Variants in AIG1 observed in about 807,000 individuals in gnomAD.
AIG1 encodes androgen induced 1, also known as androgen-induced gene 1 protein.
In AIG1, 23 loss-of-function variants were observed where a neutral mutation model predicts 31.4. The observed-to-expected ratio is 0.73, with a 90% CI of 0.53 to 1.04. The LOEUF (loss-of-function observed/expected upper bound fraction) is 1.04. AIG1 is among the 50% of genes least tolerant of loss of function. AIG1 has a pLI of 0.00. For missense variants in AIG1, 274 were observed against 295.0 expected, an observed-to-expected ratio of 0.93 and a Z score of 0.52; for synonymous variants, 100 against 110.5, an observed-to-expected ratio of 0.90 and a Z score of 0.60.
intron 2 of AIG1, among the ~76,000 whole-genome samples, chr6:143,146,381 C>T: frequency 6.6e-6 from 1 of 152,084 alleles, no homozygotes; most frequent in East Asian, 1.9e-4. Context: ...CTTATATATG[C>T]CCTTGTTTTG....
At chr6:143,342,382 T>G (rs1001816746), downstream of AIG1, 9 of 688,684 alleles carry the variant, frequency 1.3e-5, no homozygotes, top group Non-Finnish European at 2.4e-5. Context: ...TTTAACTTCT[T>G]TATTCAGAAA....
intron 4 of AIG1, among the ~76,000 whole-genome samples, chr6:143,321,725 T>A (rs547794546): frequency 6.6e-6 from 1 of 152,296 alleles, no homozygotes; most frequent in African/African-American, 2.4e-5. Flanking sequence ...TTTCTGCTTT[T>A]TTAATATAAA....
At chr6:143,273,494 T>G (rs1796687400) in intron 3 of AIG1, among the ~76,000 whole-genome samples, 1 of 152,194 alleles carries the variant, frequency 6.6e-6, no homozygotes, top group African/African-American at 2.4e-5. Context: ...CCCATTGCTC[T>G]CTCTTCTTGC....
intron 3 of AIG1, among the ~76,000 whole-genome samples, chr6:143,212,918 C>G: frequency 6.6e-6 from 1 of 152,130 alleles, no homozygotes; most frequent in South Asian, 2.1e-4. Flanking sequence ...TAAACCAAGG[C>G]AGAGTTAATC....
At chr6:143,260,692 G>A (rs73594165) in intron 3 of AIG1, among the ~76,000 whole-genome samples, 7,902 of 152,182 alleles carry the variant, frequency 0.052, 517 homozygotes, top group African/African-American at 0.15. Context: ...ACACCATTAG[G>A]TATTTATTCC....
chr6:143,090,844 T>G (rs1177537116), intron 1 of AIG1, among the ~76,000 whole-genome samples: 1 of 152,192 alleles, frequency 6.6e-6, no homozygotes, highest in Non-Finnish European at 1.5e-5. Context: ...CTGTGAAGTT[T>G]GCTGCATTGA....
chr6:143,118,256 C>T (rs565948689), intron 1 of AIG1, among the ~76,000 whole-genome samples: 4 of 152,100 alleles, frequency 2.6e-5, no homozygotes, highest in Admixed American at 1.3e-4. Context: ...GTCAGGAGAT[C>T]GAGAGCATCC....
intron 1 of AIG1, among the ~76,000 whole-genome samples, chr6:143,131,865 G>A (rs1486528155): frequency 6.6e-6 from 1 of 152,152 alleles, no homozygotes; most frequent in Non-Finnish European, 1.5e-5. Flanking sequence ...TGGTGTTTTA[G>A]CTGCTAAGTT....
intron 4 of AIG1, among the ~76,000 whole-genome samples, chr6:143,314,726 A>T (rs1330723870): frequency 6.6e-6 from 1 of 152,160 alleles, no homozygotes; most frequent in Non-Finnish European, 1.5e-5. Flanking sequence ...TTAAGATACC[A>T]GTTCTTCTCC....
downstream of AIG1, chr6:143,343,356 C>G (rs1439318685): frequency 3.4e-5 from 20 of 583,696 alleles, no homozygotes; most frequent in Non-Finnish European, 6.1e-5. Context: ...GACTAATGCC[C>G]CCCCAAACAA....
chr6:143,266,627 A>G (rs944293626), intron 3 of AIG1, among the ~76,000 whole-genome samples: 1 of 152,056 alleles, frequency 6.6e-6, no homozygotes, highest in Non-Finnish European at 1.5e-5. Flanking sequence ...TTTGTCAATT[A>G]TACCCCAGTA....
intron 2 of AIG1, among the ~76,000 whole-genome samples, chr6:143,155,228 T>A (rs1785625776): frequency 6.6e-6 from 1 of 152,164 alleles, no homozygotes; most frequent in East Asian, 1.9e-4. Context: ...TCTGCCCTTA[T>A]GGAGTTTACA....
At chr6:143,149,996 C>A (rs1028890469) in intron 2 of AIG1, among the ~76,000 whole-genome samples, 3 of 152,092 alleles carry the variant, frequency 2.0e-5, no homozygotes, top group African/African-American at 2.4e-5. Flanking sequence ...AGAAGTGATC[C>A]AATGCATTCC....
intron 3 of AIG1, among the ~76,000 whole-genome samples, chr6:143,247,027 T>A (rs1794665172): frequency 6.6e-6 from 1 of 152,176 alleles, no homozygotes; most frequent in African/African-American, 2.4e-5. Flanking sequence ...GTGCTTCCAG[T>A]TGTTCTGTCC....
chr6:143,183,095 C>G (rs530246240), intron 3 of AIG1, among the ~76,000 whole-genome samples: 1 of 152,098 alleles, frequency 6.6e-6, no homozygotes, highest in Non-Finnish European at 1.5e-5. Flanking sequence ...TGCAGAGCTA[C>G]AGGTCAGCCT....
rs1315995443 is a variant in AIG1 at position 143,338,650 on chromosome 6, T to C, written c.680-989T>C. ...CCAGGCTTCTGAGGTCTTCTCTGTG[T>C]TCATTGCTTATTAATTTTATTCAGC... On this transcript the variant is annotated intron_variant, in intron 5 of 5. Transcript: ENST00000357847. This position sits in a 1 kb window ranked among gnomAD's most constrained non-coding sequence, Gnocchi z 4.3. The C allele has an allele frequency of 6.6e-6, 1 of 152,226 alleles. No homozygotes were observed. Among genetic ancestry groups the C allele is most frequent in the Non-Finnish European group, 1.5e-5 (1 of 68,050 alleles). 9.4% of individuals were successfully genotyped at this position (152,226 alleles called of 1,614,324 possible).
chr6:143,120,214 G>T (rs1462355618), intron 1 of AIG1, among the ~76,000 whole-genome samples: 1 of 152,268 alleles, frequency 6.6e-6, no homozygotes, highest in African/African-American at 2.4e-5. Context: ...GATTACAGGT[G>T]TGAGCCACCA....
chr6:143,224,558 A>G (rs898747647), intron 3 of AIG1, among the ~76,000 whole-genome samples: 1 of 152,204 alleles, frequency 6.6e-6, no homozygotes, highest in Non-Finnish European at 1.5e-5. Context: ...ACCAGAGCAT[A>G]TTGACAGTGA....
chr6:143,157,264 C>G (rs1785867752), intron 2 of AIG1, among the ~76,000 whole-genome samples: 1 of 152,182 alleles, frequency 6.6e-6, no homozygotes, highest in Admixed American at 6.5e-5. Context: ...GGTGTAGGCC[C>G]TCTGCGGGCC....
Sources: allele counts gnomAD v4.1 joint callset (sites outside exome capture counted in the v4.1 genomes callset), GRCh38; gene constraint gnomAD v4.1.1; non-coding constraint Gnocchi (gnomAD v3.1); transcripts MANE v1.5; gene names NCBI Gene and HGNC (gene_info 2026-07-23, HGNC 2026-07-21).